The following AMACR variants were observed in gnomAD, a reference collection of about 807,000 sequenced individuals.
The protein encoded by AMACR is 2-methylacyl-CoA racemase.
A neutral mutation model predicts 22.2 loss-of-function variants in AMACR; 18 were observed. The observed-to-expected ratio is 0.81, with a 90% CI of 0.56 to 1.20. AMACR has a LOEUF of 1.20. Among genes scored for constraint, AMACR ranks in the 50% most tolerant of loss-of-function variants. The probability of loss-of-function intolerance (pLI) is 0.00; values close to 1 mark genes in which losing one functional copy is unlikely to be tolerated. For synonymous variants in AMACR, 213 were observed against 191.3 expected (o/e 1.11, Z -0.94); for missense variants, 499 against 490.6 (o/e 1.02, Z -0.16).
intron 3 of AMACR, among the ~76,000 whole-genome samples, chr5:34,002,357 A>C (rs530794269): frequency 6.6e-6 from 1 of 152,368 alleles, no homozygotes; most frequent in East Asian, 1.9e-4. Flanking sequence ...TGAAAGCAGC[A>C]ATCACCTTTT....
rs867952998 is a variant in AMACR, at chr5:34,000,919, C to T, written c.553-2092G>A. Among the ~76,000 whole-genome samples the T allele has an allele frequency of 5.3e-5, 8 of 152,108 alleles. No homozygotes were observed. The South Asian group carries it at 1.2e-3, about 24-fold the overall frequency. Reference sequence around the variant, plus strand: ...CCTTTAATCTCTTTTATATGTTGAACGCCCTGATGAGACTGCTGAAAAATA... The same window carrying T: ...CCTTTAATCTCTTTTATATGTTGAATGCCCTGATGAGACTGCTGAAAAATA... On this transcript the variant is annotated intron_variant, in intron 3 of 4. Transcript: ENST00000335606.
At chr5:33,993,967 C>T (rs1357293472) in intron 4 of AMACR, 2 of 445,148 alleles carry the variant, frequency 4.5e-6, no homozygotes, top group Non-Finnish European at 9.0e-6. Context: ...CTATAAGAGA[C>T]TTGCTATCTC....
At chr5:33,991,916 T>C (rs889544970) in intron 4 of AMACR, among the ~76,000 whole-genome samples, 18 of 152,038 alleles carry the variant, frequency 1.2e-4, no homozygotes, top group African/African-American at 3.9e-4. Context: ...TCTCACACTA[T>C]TGCCTGGGCT....
At chr5:34,002,391 T>C (rs1342733434) in intron 3 of AMACR, among the ~76,000 whole-genome samples, 2 of 152,254 alleles carry the variant, frequency 1.3e-5, no homozygotes, top group Non-Finnish European at 2.9e-5. Context: ...GATAATCAAT[T>C]GCATCTCTTC....
chr5:33,997,684 C>G, intron 4 of AMACR: 1 of 653,252 alleles, frequency 1.5e-6, no homozygotes, highest in Non-Finnish European at 2.8e-6. Flanking sequence ...AATTTCTGGA[C>G]AGAGAGGTAC....
chr5:33,992,464 T>C (rs1330295860), intron 4 of AMACR, among the ~76,000 whole-genome samples: 2 of 151,838 alleles, frequency 1.3e-5, no homozygotes, highest in East Asian at 3.9e-4. Context: ...TCCCAGCACT[T>C]TGGAAGGCTG....
Position 33,989,184 on chromosome 5 carries a change from A to G in AMACR, c.1058T>C (p.Ile353Thr). Reference sequence around the variant, plus strand: ...GCGGCTGAATCCAAATTCTTCAAGTATCTCCTCAGTGTGTTCTCCTATGAA... The same window carrying G: ...GCGGCTGAATCCAAATTCTTCAAGTGTCTCCTCAGTGTGTTCTCCTATGAA... ...DPFIGEHTEE[I>T]LEEFGFSREE... Residue 353 changes from isoleucine to threonine, a missense_variant, in exon 5 of 5, where the codon ATA (isoleucine) becomes ACA (threonine). Transcript: ENST00000335606. The G allele has an allele frequency of 1.2e-6, 2 of 1,614,212 alleles. No individual in the cohort carries two copies. The highest frequency in any genetic ancestry group is 8.5e-7 in the Non-Finnish European group (1 of 1,180,036).
Position 33,988,571 on chromosome 5 carries a change from C to T in AMACR, c.*522G>A. On this transcript the variant is annotated 3_prime_UTR_variant, in exon 5 of 5. Coordinates refer to ENST00000335606, the MANE Select transcript of AMACR (RefSeq NM_014324.6). ...TCAATACAGGTGAAACTTTTCTTTG[C>T]AAATTACAAAGTGTGATAACTGTTG... 7.4e-7 allele frequency: 1 copy of T among 1,349,232 alleles called. No individual in the cohort carries two copies. The highest frequency in any genetic ancestry group is 9.5e-7 in the Non-Finnish European group (1 of 1,052,584). The allele number at this position is 1,349,232 out of a possible 1,614,324, so 83.6% of individuals were successfully genotyped here. A position where few individuals can be genotyped will look rare whatever the true frequency, so the allele number is the denominator to read the frequency against.
In AMACR at chr5:34,008,022, C is replaced by A. The variant is rs770051808; in HGVS notation, c.-3G>T. Reference sequence around the variant, plus strand: ...ACCGAGATGCCCTGCAGTGCCATGGCGCTTCCCAGTGCCCCGCTGAAGGAA... The same window carrying A: ...ACCGAGATGCCCTGCAGTGCCATGGAGCTTCCCAGTGCCCCGCTGAAGGAA... On this transcript the variant is annotated 5_prime_UTR_variant, in exon 1 of 5. Transcript: ENST00000335606. The A allele has an allele frequency of 6.2e-7, 1 of 1,609,998 alleles. No homozygotes were observed. The highest frequency in any genetic ancestry group is 1.7e-5 in the Admixed American group (1 of 59,998).
chr5:34,003,942 A>G (rs964381494), intron 3 of AMACR, among the ~76,000 whole-genome samples: 4 of 152,206 alleles, frequency 2.6e-5, no homozygotes, highest in Non-Finnish European at 5.9e-5. Flanking sequence ...AGCAAATGGC[A>G]ATGCTTCCGT....
At chr5:33,991,024 C>CA (rs112667834) in intron 4 of AMACR, among the ~76,000 whole-genome samples, 13,839 of 152,196 alleles carry the variant, frequency 0.091, 666 homozygotes, top group East Asian at 0.16. Context: ...GTGAAAGGCA[C>CA]ATAAAATGAG....
intron 3 of AMACR, among the ~76,000 whole-genome samples, chr5:34,002,209 C>G (rs895446299): frequency 1.3e-5 from 2 of 152,076 alleles, no homozygotes; most frequent in African/African-American, 4.8e-5. Flanking sequence ...GTTGGCCAGG[C>G]TGGTCTCGAA....
rs770051808 is a variant in AMACR at position 34,008,022 on chromosome 5, C to G, written c.-3G>C. The G allele has an allele frequency of 1.9e-6, 3 of 1,609,998 alleles. No individual in the cohort carries two copies. Among genetic ancestry groups the G allele is most frequent in the Non-Finnish European group, 2.5e-6 (3 of 1,179,700 alleles). ...ACCGAGATGCCCTGCAGTGCCATGGCGCTTCCCAGTGCCCCGCTGAAGGAA... is the reference window on the plus strand; with the variant it reads ...ACCGAGATGCCCTGCAGTGCCATGGGGCTTCCCAGTGCCCCGCTGAAGGAA... On this transcript the variant is annotated 5_prime_UTR_variant, in exon 1 of 5. Coordinates refer to ENST00000335606, the MANE Select transcript of AMACR (RefSeq NM_014324.6).
chr5:33,988,612 T>G lies in AMACR; in HGVS notation c.*481A>C, dbSNP rs1402024341. On this transcript the variant is annotated 3_prime_UTR_variant, in exon 5 of 5. Transcript: ENST00000335606. ...ATAACTGTTGCTAAAGTTTGGAATG[T>G]GCTTAGAGGGAGATCATGAACACCA... is the stretch of plus-strand genomic sequence containing the variant. 7.6e-7 allele frequency: 1 copy of G among 1,308,020 alleles called. No individual in the cohort carries two copies. Among genetic ancestry groups the G allele is most frequent in the African/African-American group, 1.5e-5 (1 of 67,070 alleles). The allele number at this position is 1,308,020 out of a possible 1,614,324, so 81.0% of individuals were successfully genotyped here.
intron 1 of AMACR, among the ~76,000 whole-genome samples, chr5:34,007,322 A>T (rs939910188): frequency 1.3e-4 from 20 of 152,196 alleles, no homozygotes; most frequent in African/African-American, 4.8e-4. Context: ...CCAGCATTTC[A>T]GGCAGGGAGG....
chr5:34,007,742 C>T, intron 1 of AMACR, 31 bp downstream of exon 1: 1 of 1,526,606 alleles, frequency 6.6e-7, no homozygotes, highest in Non-Finnish European at 8.8e-7. Context: ...GCGGGAACTT[C>T]CCGAGAGCAG....
In AMACR at chr5:33,986,513, C is replaced by G. The variant is rs949813933; in HGVS notation, c.*2580G>C. On this transcript the variant is annotated 3_prime_UTR_variant, in exon 5 of 5. Coordinates refer to ENST00000335606, the MANE Select transcript of AMACR (RefSeq NM_014324.6). ...CTAAAGGAATTACTGAGTGAATAAA[C>G]CATACACACTGCATTTTGTGCTGCC... The G allele has an allele frequency of 1.3e-5, 2 of 152,212 alleles. No homozygotes were observed. Among genetic ancestry groups the G allele is most frequent in the Non-Finnish European group, 2.9e-5 (2 of 68,042 alleles). The allele number at this position is 152,212 out of a possible 1,614,324, so 9.4% of individuals were successfully genotyped here. A position where few individuals can be genotyped will look rare whatever the true frequency, so the allele number is the denominator to read the frequency against.
At chr5:33,998,393 A>G (rs1416643928) in intron 4 of AMACR, among the ~76,000 whole-genome samples, 1 of 152,116 alleles carries the variant, frequency 6.6e-6, no homozygotes, top group African/African-American at 2.4e-5. Flanking sequence ...ACTGTAATAA[A>G]AGCACCGAAC....
At chr5:34,004,917 C>T (rs1223664204) in intron 2 of AMACR, among the ~76,000 whole-genome samples, 183 bp from the exon 3 acceptor site, 1 of 152,194 alleles carries the variant, frequency 6.6e-6, no homozygotes, top group Non-Finnish European at 1.5e-5. Context: ...TCCCTCAAGA[C>T]AGGATCCTTG....
Sources: gnomAD v4.1 joint callset for allele counts (sites outside exome capture counted in the v4.1 genomes callset) on GRCh38, gnomAD v4.1.1 for gene constraint, MANE v1.5 for transcripts, NCBI Gene and HGNC (gene_info 2026-07-23, HGNC 2026-07-21) for gene names.